KLF12: variants seen among roughly 807,000 people sequenced by gnomAD.
KLF12 encodes Krueppel-like factor 12.
In KLF12, 9 loss-of-function variants were observed where a neutral mutation model predicts 37.8. The observed-to-expected ratio is 0.24, with a 90% CI of 0.14 to 0.42. The LOEUF (loss-of-function observed/expected upper bound fraction) is 0.42. Among genes scored for constraint, KLF12 ranks in the 10% least tolerant of loss-of-function variants. The pLI is 1.00. For missense variants in KLF12, 411 were observed against 516.0 expected, an observed-to-expected ratio of 0.80 and a Z score of 1.97; for synonymous variants, 208 against 202.1, an observed-to-expected ratio of 1.03 and a Z score of -0.25.
chr13:74,025,041 C>A (rs917547585), intron 1 of KLF12, among the ~76,000 whole-genome samples: 4 of 152,152 alleles, frequency 2.6e-5, no homozygotes, highest in Admixed American at 2.6e-4. Context: ...GTACTTTGAT[C>A]TCTCACAGAC....
intron 3 of KLF12, among the ~76,000 whole-genome samples, chr13:73,942,309 A>G (rs1593763134): frequency 6.6e-6 from 1 of 152,306 alleles, no homozygotes; most frequent in East Asian, 1.9e-4. Context: ...TGAAGAAATT[A>G]TTGTGAAATG....
At chr13:74,032,778 ACTT>A (rs1406726787) in intron 1 of KLF12, among the ~76,000 whole-genome samples, 2 of 152,170 alleles carry the variant, frequency 1.3e-5, no homozygotes, top group Non-Finnish European at 2.9e-5. Context: ...TACATCTTAT[ACTT>A]CTTCTTTGCT....
the KLF12 span, among the ~76,000 whole-genome samples, chr13:74,187,242 C>G: frequency 2.0e-5 from 3 of 151,858 alleles, no homozygotes; most frequent in African/African-American, 7.3e-5. Context: ...GACGATCACT[C>G]GAACCCAGAT....
chr13:74,197,744 T>A, the KLF12 span, among the ~76,000 whole-genome samples: 2 of 152,352 alleles, frequency 1.3e-5, no homozygotes, highest in Non-Finnish European at 2.9e-5. Flanking sequence ...TCATAGTCAC[T>A]GCTATTTTTA....
At chr13:74,289,790 G>C in the KLF12 span, among the ~76,000 whole-genome samples, 1 of 152,132 alleles carries the variant, frequency 6.6e-6, no homozygotes, top group Non-Finnish European at 1.5e-5. Flanking sequence ...TAAGGCCAAA[G>C]ACCCAAAGCA....
the KLF12 span, among the ~76,000 whole-genome samples, chr13:74,279,312 G>A: frequency 6.6e-6 from 1 of 152,052 alleles, no homozygotes; most frequent in South Asian, 2.1e-4. Context: ...TTAGACTCTT[G>A]GCCTTCTATC....
intron 1 of KLF12, among the ~76,000 whole-genome samples, chr13:74,027,632 T>C (rs1400306166): frequency 6.6e-6 from 1 of 152,198 alleles, no homozygotes; most frequent in East Asian, 1.9e-4. Flanking sequence ...TGGTTTCTAA[T>C]TCTACATGTA....
chr13:74,105,979 G>A (rs796267828), intron 1 of KLF12, among the ~76,000 whole-genome samples: 77 of 152,246 alleles, frequency 5.1e-4, no homozygotes, highest in African/African-American at 1.9e-3. Flanking sequence ...TTTCTTGTCA[G>A]CTTTAAAAAG....
chr13:73,910,071 A>C (rs898889989), intron 3 of KLF12, among the ~76,000 whole-genome samples: 1 of 152,220 alleles, frequency 6.6e-6, no homozygotes, highest in African/African-American at 2.4e-5. Flanking sequence ...GATTACAGCA[A>C]GTTAAATGTA....
intron 5 of KLF12, among the ~76,000 whole-genome samples, chr13:73,795,555 T>A (rs1253465377): frequency 6.6e-6 from 1 of 152,228 alleles, no homozygotes; most frequent in Non-Finnish European, 1.5e-5. Flanking sequence ...ATGGTAGGAA[T>A]CTGGATAAAT....
At chr13:73,759,961 C>T (rs536955346) in intron 6 of KLF12, among the ~76,000 whole-genome samples, 1 of 152,116 alleles carries the variant, frequency 6.6e-6, no homozygotes, top group South Asian at 2.1e-4. Context: ...AAGTTATATC[C>T]CTCAAAAAGA....
chr13:74,010,882 A>T (rs545280338), intron 1 of KLF12, among the ~76,000 whole-genome samples: 4 of 152,318 alleles, frequency 2.6e-5, no homozygotes, highest in African/African-American at 7.2e-5. Flanking sequence ...TGGTTTTTCA[A>T]AGTAATATCA....
the KLF12 span, among the ~76,000 whole-genome samples, chr13:74,295,700 C>G: frequency 6.6e-6 from 1 of 152,020 alleles, no homozygotes; most frequent in African/African-American, 2.4e-5. Context: ...GAAATGGATG[C>G]TCAAATATTA....
At chr13:73,893,666 G>A (rs1716020981) in intron 3 of KLF12, among the ~76,000 whole-genome samples, 1 of 152,100 alleles carries the variant, frequency 6.6e-6, no homozygotes, top group Non-Finnish European at 1.5e-5. Context: ...ACAGGCGTGA[G>A]CCACCATGCC....
rs150104709 is a variant in KLF12, at chr13:73,974,033, A to G, written c.33+20957T>C. On this transcript the variant is annotated intron_variant, in intron 2 of 7. Coordinates refer to ENST00000377669, the MANE Select transcript of KLF12 (RefSeq NM_007249.5). ...AGGAATATGACTAAAAATTGAATTA[A>G]TAATGTAGAAGAAAGGCTTAATTCC... Among the ~76,000 whole-genome samples, 8 of 152,232 alleles carry G rather than the reference A, an allele frequency of 5.3e-5. No homozygotes were observed. The East Asian group carries it at 1.5e-3, about 29-fold the overall frequency.
the KLF12 span, among the ~76,000 whole-genome samples, chr13:74,228,824 A>T: frequency 1.0e-3 from 154 of 151,924 alleles, no homozygotes; most frequent in African/African-American, 3.2e-3. Context: ...TTAAAAAAAA[A>T]GTAAAGATTA....
chr13:74,103,108 T>C (rs1876453669), intron 1 of KLF12, among the ~76,000 whole-genome samples: 1 of 152,250 alleles, frequency 6.6e-6, no homozygotes, highest in Non-Finnish European at 1.5e-5. Context: ...GAGAGGGGTA[T>C]GTGATGGAGC....
the KLF12 span, among the ~76,000 whole-genome samples, chr13:74,197,920 A>G: frequency 6.6e-6 from 1 of 152,148 alleles, no homozygotes; most frequent in Non-Finnish European, 1.5e-5. Flanking sequence ...CTTGCGTTTC[A>G]AAGCCAACTT....
intron 2 of KLF12, among the ~76,000 whole-genome samples, chr13:73,951,339 C>T (rs1890639504): frequency 6.6e-6 from 1 of 152,084 alleles, no homozygotes; most frequent in South Asian, 2.1e-4. Context: ...TTTAATCGCA[C>T]ATCAACTTTT....
Sources: gnomAD v4.1 joint callset for allele counts (sites outside exome capture counted in the v4.1 genomes callset) on GRCh38, gnomAD v4.1.1 for gene constraint, MANE v1.5 for transcripts, NCBI Gene and HGNC (gene_info 2026-07-23, HGNC 2026-07-21) for gene names.